Variants in KCNQ5 observed in about 807,000 individuals in gnomAD.
KCNQ5 encodes the protein potassium voltage-gated channel subfamily KQT member 5.
A neutral mutation model predicts 98.2 loss-of-function variants in KCNQ5; 30 were observed. The ratio of observed to expected loss-of-function variants is 0.31; its 90% CI spans 0.23 to 0.41. The LOEUF (loss-of-function observed/expected upper bound fraction) is 0.41. Among genes scored for constraint, KCNQ5 ranks in the 10% least tolerant of loss-of-function variants. The pLI is 1.00. For synonymous variants in KCNQ5, 458 were observed against 449.4 expected (o/e 1.02, Z -0.24); for missense variants, 835 against 1,182.5 (o/e 0.71, Z 4.31).
intron 11 of KCNQ5, among the ~76,000 whole-genome samples, chr6:73,177,175 G>A (rs1778244033): frequency 6.6e-6 from 1 of 152,198 alleles, no homozygotes; most frequent in African/African-American, 2.4e-5. Flanking sequence ...GTGGCAACAA[G>A]GAGGTCATCT....
intron 10 of KCNQ5, chr6:73,136,039 A>C (rs1039935516): frequency 6.6e-6 from 1 of 152,212 alleles, no homozygotes; most frequent in Non-Finnish European, 1.5e-5. Context: ...TTAGGACCAT[A>C]ACATATGAAT....
At chr6:72,630,287 C>G (rs748636771) in intron 1 of KCNQ5, among the ~76,000 whole-genome samples, 15 of 152,128 alleles carry the variant, frequency 9.9e-5, no homozygotes, top group Non-Finnish European at 1.9e-4. Context: ...GAGATATACA[C>G]CTTTTACAAA....
chr6:72,706,322 T>C (rs1157450180), intron 1 of KCNQ5, among the ~76,000 whole-genome samples: 3 of 117,130 alleles, frequency 2.6e-5, no homozygotes, highest in Admixed American at 2.4e-4. Context: ...TCTGATAAAT[T>C]TAATATTTTA....
At chr6:72,683,004 C>A (rs983047137) in intron 1 of KCNQ5, among the ~76,000 whole-genome samples, 1 of 152,198 alleles carries the variant, frequency 6.6e-6, no homozygotes, top group African/African-American at 2.4e-5. Context: ...AAGGATGGCT[C>A]TGCCCTCAGC....
chr6:72,777,775 C>G (rs1773233197), intron 1 of KCNQ5, among the ~76,000 whole-genome samples: 1 of 152,176 alleles, frequency 6.6e-6, no homozygotes, highest in Non-Finnish European at 1.5e-5. Context: ...AGAGCCTGCC[C>G]TAAATTTCAG....
intron 1 of KCNQ5, among the ~76,000 whole-genome samples, chr6:72,838,430 A>T (rs1317026950): frequency 2.0e-5 from 3 of 152,118 alleles, no homozygotes; most frequent in East Asian, 1.9e-4. Context: ...ATGTATATAA[A>T]ACATAACTTA....
intron 1 of KCNQ5, among the ~76,000 whole-genome samples, chr6:72,637,254 G>A (rs1582021134): frequency 6.6e-6 from 1 of 150,706 alleles, no homozygotes; most frequent in African/African-American, 2.4e-5. Flanking sequence ...CAAAAGTTGT[G>A]TTTTTTTTTA....
At chr6:72,631,538 G>A (rs1361929929) in intron 1 of KCNQ5, among the ~76,000 whole-genome samples, 1 of 152,184 alleles carries the variant, frequency 6.6e-6, no homozygotes, top group East Asian at 1.9e-4. Context: ...AATGTAGAGA[G>A]TGGTTTAGTA....
At chr6:73,178,992 G>A (rs934102387) in intron 11 of KCNQ5, among the ~76,000 whole-genome samples, 1 of 152,110 alleles carries the variant, frequency 6.6e-6, no homozygotes, top group Admixed American at 6.6e-5. Context: ...TTCGAGTGAG[G>A]GCTGCCTCAG....
At chr6:72,943,959 A>G (rs1399033599) in intron 1 of KCNQ5, among the ~76,000 whole-genome samples, 1 of 152,212 alleles carries the variant, frequency 6.6e-6, no homozygotes, top group Non-Finnish European at 1.5e-5. Context: ...ACAGATAAAG[A>G]CATTTAGAAA....
At chr6:73,083,374 A>G (rs1369181485) in intron 5 of KCNQ5, among the ~76,000 whole-genome samples, 2 of 152,190 alleles carry the variant, frequency 1.3e-5, no homozygotes, top group Non-Finnish European at 2.9e-5. Context: ...TACTAAAAAT[A>G]CTTCAAAATC....
intron 9 of KCNQ5, among the ~76,000 whole-genome samples, chr6:73,127,370 C>A (rs1215583948): frequency 1.3e-5 from 2 of 152,142 alleles, no homozygotes; most frequent in Non-Finnish European, 2.9e-5. Flanking sequence ...CAAGCAGGAG[C>A]CAACATTTTC....
chr6:72,983,111 CT>C (rs2150300462), intron 1 of KCNQ5, among the ~76,000 whole-genome samples: 1 of 152,232 alleles, frequency 6.6e-6, no homozygotes, highest in East Asian at 1.9e-4. Flanking sequence ...ATATTTTTTC[CT>C]TCATTTCAAC....
chr6:72,961,048 T>G (rs914440808), intron 1 of KCNQ5, among the ~76,000 whole-genome samples: 1 of 152,172 alleles, frequency 6.6e-6, no homozygotes, highest in Non-Finnish European at 1.5e-5. Flanking sequence ...GGTAGAAGGA[T>G]AGCTTGAGCC....
At chr6:72,987,688 GC>G in intron 1 of KCNQ5, 1 of 590,474 alleles carries the variant, frequency 1.7e-6, no homozygotes, top group South Asian at 1.7e-5. Context: ...CTTCTCCACC[GC>G]CCCCAACAAG....
At chr6:72,950,699 G>A (rs186922455) in intron 1 of KCNQ5, among the ~76,000 whole-genome samples, 1 of 152,274 alleles carries the variant, frequency 6.6e-6, no homozygotes, top group Non-Finnish European at 1.5e-5. Context: ...GGCATTGGAG[G>A]GGAAGTGAAT....
intron 1 of KCNQ5, among the ~76,000 whole-genome samples, chr6:72,863,745 TA>T (rs1777862248): frequency 6.6e-6 from 1 of 152,246 alleles, no homozygotes; most frequent in Non-Finnish European, 1.5e-5. Context: ...AGAATTTTTT[TA>T]AAAGTTGTGT....
At chr6:73,106,841 C>T (rs200371031) in intron 6 of KCNQ5, among the ~76,000 whole-genome samples, 23 of 152,002 alleles carry the variant, frequency 1.5e-4, no homozygotes, top group African/African-American at 4.6e-4. Context: ...AAATTTTGTG[C>T]GGACCAATGT....
intron 2 of KCNQ5, among the ~76,000 whole-genome samples, chr6:73,027,197 A>G (rs1770929678): frequency 6.6e-6 from 1 of 152,178 alleles, no homozygotes; most frequent in Admixed American, 6.5e-5. Flanking sequence ...AAAACAGAAT[A>G]TGCAAATACA....
Sources: gnomAD v4.1 joint callset for allele counts (sites outside exome capture counted in the v4.1 genomes callset) on GRCh38, gnomAD v4.1.1 for gene constraint, MANE v1.5 for transcripts, NCBI Gene and HGNC (gene_info 2026-07-23, HGNC 2026-07-21) for gene names.